KIF26B: variants seen among roughly 807,000 people sequenced by gnomAD.
The protein encoded by KIF26B is kinesin-like protein KIF26B.
In KIF26B, 63 loss-of-function variants were observed where a neutral mutation model predicts 151.2. That is an observed-to-expected ratio of 0.42 (90% CI 0.34 to 0.51). KIF26B has a LOEUF of 0.51. Ranked by LOEUF, KIF26B falls within the 20% of genes least tolerant of loss-of-function variation. The pLI is 0.07. For synonymous variants in KIF26B, 1,357 were observed against 1,262.1 expected, an observed-to-expected ratio of 1.08 and a Z score of -1.59; for missense variants, 2,813 against 2,913.6, an observed-to-expected ratio of 0.97 and a Z score of 0.79.
chr1:245,255,439 G>T (rs1414804534), intron 2 of KIF26B, among the ~76,000 whole-genome samples: 2 of 152,214 alleles, frequency 1.3e-5, no homozygotes, highest in Admixed American at 1.3e-4. Context: ...AACCCATTTA[G>T]ATTGAAATCA....
chr1:245,556,056 GA>G lies in KIF26B; in HGVS notation c.1350+15107del, dbSNP rs1380073639. On this transcript the variant is annotated intron_variant, in intron 5 of 14. Transcript: ENST00000407071. ...CAAAGAGATGGAGATGCAGTCCCGA[GA>G]TAGCGCTCCGGCTTGCTGGGGACAC... 5.9e-5 allele frequency among the ~76,000 whole-genome samples: 9 copies of G among 152,310 alleles called. No individual in the cohort carries two copies. In the South Asian group the frequency reaches 1.9e-3, roughly 32 times the overall value.
intron 2 of KIF26B, among the ~76,000 whole-genome samples, chr1:245,286,400 GGT>G (rs1468592186): frequency 6.6e-6 from 1 of 152,050 alleles, no homozygotes; most frequent in African/African-American, 2.4e-5. Flanking sequence ...AAATTAGCCA[GGT>G]GTGATTGTGC....
chr1:245,558,536 C>T (rs1662090664), intron 5 of KIF26B, among the ~76,000 whole-genome samples: 1 of 152,226 alleles, frequency 6.6e-6, no homozygotes, highest in African/African-American at 2.4e-5. Context: ...GGCCTCTTGC[C>T]ATGCTGGGCT....
chr1:245,644,033 T>G (rs1050243810), intron 9 of KIF26B, among the ~76,000 whole-genome samples: 1 of 152,188 alleles, frequency 6.6e-6, no homozygotes, highest in African/African-American at 2.4e-5. Context: ...TTTATGACTT[T>G]CATTAAATGT....
intron 2 of KIF26B, among the ~76,000 whole-genome samples, chr1:245,327,526 G>A (rs1672014667): frequency 6.6e-6 from 1 of 152,180 alleles, no homozygotes; most frequent in Non-Finnish European, 1.5e-5. Flanking sequence ...GTCAGAGGAG[G>A]CAGCGGAAGT....
At chr1:245,652,683 C>G (rs574518163) in intron 10 of KIF26B, among the ~76,000 whole-genome samples, 2 of 152,288 alleles carry the variant, frequency 1.3e-5, no homozygotes, top group Admixed American at 1.3e-4. Context: ...ACACTGGGTT[C>G]AAGCTTTGGT....
chr1:245,324,259 A>G (rs959269461), intron 2 of KIF26B, among the ~76,000 whole-genome samples: 3 of 152,192 alleles, frequency 2.0e-5, no homozygotes, highest in African/African-American at 4.8e-5. Flanking sequence ...CTGAGCAGGA[A>G]GTGTATTTTC....
At chr1:245,299,296 C>G (rs552672543) in intron 2 of KIF26B, among the ~76,000 whole-genome samples, 2 of 147,554 alleles carry the variant, frequency 1.4e-5, no homozygotes, top group African/African-American at 5.0e-5. Flanking sequence ...AAGGCTGTCA[C>G]ACTGCATTTA....
At chr1:245,275,860 C>T (rs892539096) in intron 2 of KIF26B, among the ~76,000 whole-genome samples, 1 of 152,112 alleles carries the variant, frequency 6.6e-6, no homozygotes, top group Non-Finnish European at 1.5e-5. Flanking sequence ...AACTCCTCTG[C>T]TTTTGGTTAT....
rs576677742 is a variant in KIF26B, at chr1:245,352,469, G to A, written c.466-14365G>A. 6.6e-6 allele frequency among the ~76,000 whole-genome samples: 1 copy of A among 152,208 alleles called. No individual in the cohort carries two copies. The highest frequency in any genetic ancestry group is 2.1e-4 in the South Asian group (1 of 4,814). On this transcript the variant is annotated intron_variant, in intron 2 of 14. Coordinates refer to ENST00000407071, the MANE Select transcript of KIF26B (RefSeq NM_018012.4). This position sits in a 1 kb window ranked among gnomAD's most constrained non-coding sequence, Gnocchi z 5.0. ...AGTAGAGATGGGTTTTCACAATGTT[G>A]GCCAGGTTGGTCTCAAACTCCTAAC...
At chr1:245,527,298 C>T (rs957464488) in intron 4 of KIF26B, among the ~76,000 whole-genome samples, 2 of 152,138 alleles carry the variant, frequency 1.3e-5, no homozygotes, top group Non-Finnish European at 2.9e-5. Flanking sequence ...ACAATTGCTT[C>T]TCAGCCGAAA....
intron 2 of KIF26B, among the ~76,000 whole-genome samples, chr1:245,364,636 G>A (rs1672900917): frequency 6.6e-6 from 1 of 151,854 alleles, no homozygotes; most frequent in African/African-American, 2.4e-5. Context: ...TGGCCAGGAT[G>A]GTCTCGATCT....
At position 245,227,284 on chromosome 1, in the gene KIF26B, C is replaced by T. The variant is rs78734885; in HGVS notation, c.465+70601C>T. Among the ~76,000 whole-genome samples the T allele has an allele frequency of 8.4e-3, 1,273 of 152,342 alleles. 14 individuals carry two copies. Among genetic ancestry groups the T allele is most frequent in the African/African-American group, 0.028 (1,161 of 41,576 alleles). ...CAGAAAGAAATTCCCCTTCCTTCCA[C>T]AGCCAGAGGATTTCAAGTCTATAAT... On this transcript the variant is annotated intron_variant, in intron 2 of 14. Transcript: ENST00000407071. The surrounding 1 kb of genome is among the most constrained non-coding windows in gnomAD (Gnocchi z 4.1).
At chr1:245,302,177 T>A (rs895325028) in intron 2 of KIF26B, among the ~76,000 whole-genome samples, 1 of 152,200 alleles carries the variant, frequency 6.6e-6, no homozygotes, top group African/African-American at 2.4e-5. Flanking sequence ...GTGACATCAG[T>A]CTATTTGCTG....
rs994126774 is a variant in KIF26B, at chr1:245,160,604, G to T, written c.465+3921G>T. ...CAGTAAAGCTCCAGGTTGGCAAAAG[G>T]TTATCAGACATCTGTTCATTTCCAT... On this transcript the variant is annotated intron_variant, in intron 2 of 14. Coordinates refer to ENST00000407071, the MANE Select transcript of KIF26B (RefSeq NM_018012.4). Among the ~76,000 whole-genome samples the T allele has an allele frequency of 6.6e-5, 10 of 152,076 alleles. 1 individual carries two copies. The highest frequency in any genetic ancestry group is 3.4e-3 in the Middle Eastern group (1 of 294).
In KIF26B at chr1:245,540,364, G is replaced by A. The variant is rs1661586589; in HGVS notation, c.1167-403G>A. On this transcript the variant is annotated intron_variant, in intron 4 of 14. Coordinates refer to ENST00000407071, the MANE Select transcript of KIF26B (RefSeq NM_018012.4). This position sits in a 1 kb window ranked among gnomAD's most constrained non-coding sequence, Gnocchi z 4.6. Reference sequence around the variant, plus strand: ...CAGACTGGTTTGGATTTTACAAGGTGTTAGAGTTTTTAAATTAGCTCATGA... The same window carrying A: ...CAGACTGGTTTGGATTTTACAAGGTATTAGAGTTTTTAAATTAGCTCATGA... 1.3e-5 allele frequency among the ~76,000 whole-genome samples: 2 copies of A among 152,166 alleles called. No individual in the cohort carries two copies. Among genetic ancestry groups the A allele is most frequent in the Non-Finnish European group, 2.9e-5 (2 of 68,032 alleles).
intron 4 of KIF26B, among the ~76,000 whole-genome samples, chr1:245,528,255 G>T (rs1661284054): frequency 6.6e-6 from 1 of 152,194 alleles, no homozygotes; most frequent in African/African-American, 2.4e-5. Context: ...GCTCCGCACA[G>T]GCTAAACAGC....
chr1:245,506,100 T>A (rs893987318), intron 4 of KIF26B, among the ~76,000 whole-genome samples: 8 of 152,236 alleles, frequency 5.3e-5, no homozygotes, highest in Admixed American at 1.3e-4. Flanking sequence ...GCTTATATTT[T>A]CTTTTTAACC....
rs527266253 is a variant in KIF26B, at chr1:245,650,174, T to C, written c.2258+3894T>C. On this transcript the variant is annotated intron_variant, in intron 10 of 14. Transcript: ENST00000407071. ...CACTGACAGGCTGCACAAATTACTC[T>C]CTAATTTTTGAGAGCCTCCACCTCC... 2.0e-3 allele frequency among the ~76,000 whole-genome samples: 309 copies of C among 152,312 alleles called. 2 individuals are homozygous for C. The highest frequency in any genetic ancestry group is 2.5e-3 in the Non-Finnish European group (169 of 68,022).
Sources: gnomAD v4.1 joint callset for allele counts (sites outside exome capture counted in the v4.1 genomes callset) on GRCh38, gnomAD v4.1.1 for gene constraint, Gnocchi (gnomAD v3.1) non-coding constraint, MANE v1.5 for transcripts, NCBI Gene and HGNC (gene_info 2026-07-23, HGNC 2026-07-21) for gene names.